Variants in ATG5 observed in about 807,000 individuals in gnomAD.
ATG5 encodes autophagy protein 5.
ATG5 carries 14 observed loss-of-function variants against 36.5 expected under a neutral mutation model. The observed-to-expected ratio is 0.38, with a 90% CI of 0.25 to 0.60. ATG5 has a LOEUF of 0.60. ATG5 is among the 20% of genes least tolerant of loss of function. The pLI is 0.60. For synonymous variants in ATG5, 95 were observed against 101.5 expected (o/e 0.94, Z 0.38); for missense variants, 195 against 326.7 (o/e 0.60, Z 3.11).
rs199502012 is a variant in ATG5, at chr6:106,243,258, TG to T, written c.573+4891del. On this transcript the variant is annotated intron_variant, in intron 6 of 7. Coordinates refer to ENST00000369076, the MANE Select transcript of ATG5 (RefSeq NM_004849.4). ...GAACAACTTTACATTCAATCGTCAA[TG>T]GGAAAGGAAGCAGAATTCTGAGGAT... 4.4e-3 allele frequency among the ~76,000 whole-genome samples: 677 copies of T among 152,286 alleles called. 4 individuals are homozygous for T. Among genetic ancestry groups the T allele is most frequent in the African/African-American group, 0.015 (639 of 41,554 alleles).
At chr6:106,296,096 T>C (rs1032971998) in intron 3 of ATG5, among the ~76,000 whole-genome samples, 2 of 152,174 alleles carry the variant, frequency 1.3e-5, no homozygotes, top group Non-Finnish European at 2.9e-5. Context: ...AAAGATCTAA[T>C]GGAGCCAATT....
chr6:106,206,916 G>A (rs568931543), intron 6 of ATG5, among the ~76,000 whole-genome samples: 39 of 152,180 alleles, frequency 2.6e-4, no homozygotes, highest in African/African-American at 8.4e-4. Context: ...TGCTGTAAAC[G>A]TTGATTTAGT....
At chr6:106,248,019 G>C (rs1219883828) in intron 6 of ATG5, 131 bp downstream of exon 6, 5 of 620,540 alleles carry the variant, frequency 8.1e-6, no homozygotes, top group Non-Finnish European at 1.4e-5. Flanking sequence ...GCCACTGAAA[G>C]ACACAGTTTG....
chr6:106,308,688 A>G (rs1220428952), intron 2 of ATG5, among the ~76,000 whole-genome samples, 197 bp from the exon 3 acceptor site: 1 of 152,208 alleles, frequency 6.6e-6, no homozygotes, highest in Non-Finnish European at 1.5e-5. Context: ...TGGGGCCATT[A>G]CTTTAAGCAC....
chr6:106,323,524 C>A (rs943229760), intron 1 of ATG5, among the ~76,000 whole-genome samples: 1 of 151,964 alleles, frequency 6.6e-6, no homozygotes, highest in African/African-American at 2.4e-5. Flanking sequence ...CAAGCATGAG[C>A]CATCACGCCC....
At chr6:106,270,707 A>T (rs867816385) in intron 5 of ATG5, among the ~76,000 whole-genome samples, 1 of 152,224 alleles carries the variant, frequency 6.6e-6, no homozygotes, top group Non-Finnish European at 1.5e-5. Flanking sequence ...CTCTACATGA[A>T]TGCCTCATTA....
intron 6 of ATG5, among the ~76,000 whole-genome samples, chr6:106,239,379 CT>C (rs1778021491): frequency 6.6e-6 from 1 of 152,046 alleles, no homozygotes; most frequent in Non-Finnish European, 1.5e-5. Flanking sequence ...TCTGGGAAGA[CT>C]TAATATCATA....
intron 4 of ATG5, among the ~76,000 whole-genome samples, chr6:106,291,464 T>C (rs948884195): frequency 6.6e-6 from 1 of 152,156 alleles, no homozygotes; most frequent in Non-Finnish European, 1.5e-5. Context: ...CATCCTGATA[T>C]TATTATATCA....
chr6:106,317,184 C>T (rs1770884196), intron 1 of ATG5, among the ~76,000 whole-genome samples: 2 of 152,124 alleles, frequency 1.3e-5, no homozygotes, highest in South Asian at 4.1e-4. Flanking sequence ...TGAGTAAATG[C>T]TGAAATAAAT....
chr6:106,257,035 T>C (rs541274329), intron 5 of ATG5, among the ~76,000 whole-genome samples: 2 of 152,308 alleles, frequency 1.3e-5, no homozygotes, highest in African/African-American at 2.4e-5. Context: ...TATTTAAAAA[T>C]TTATTTTTTT....
At chr6:106,311,618 T>C (rs990184884) in intron 2 of ATG5, among the ~76,000 whole-genome samples, 4 of 152,114 alleles carry the variant, frequency 2.6e-5, no homozygotes, top group East Asian at 1.9e-4. Flanking sequence ...TAAGACAGAA[T>C]AGTGCTGAGG....
At chr6:106,277,101 A>G (rs1779687713) in intron 5 of ATG5, among the ~76,000 whole-genome samples, 1 of 152,248 alleles carries the variant, frequency 6.6e-6, no homozygotes, top group African/African-American at 2.4e-5. Flanking sequence ...ACACTGTCAT[A>G]AAATGCATGC....
intron 6 of ATG5, among the ~76,000 whole-genome samples, chr6:106,220,019 T>C (rs896914192): frequency 1.3e-5 from 2 of 152,174 alleles, no homozygotes; most frequent in South Asian, 2.1e-4. Flanking sequence ...TTTAAATTGA[T>C]AGCCTTTTTT....
intron 2 of ATG5, among the ~76,000 whole-genome samples, chr6:106,312,623 T>TACACACACACACAC (rs144983689): frequency 5.7e-4 from 82 of 144,514 alleles, no homozygotes; most frequent in South Asian, 4.5e-3. Context: ...CAAAAAAGAC[T>TACACACACACACAC]ACACACACAC....
chr6:106,285,604 T>C (rs1780045997), intron 4 of ATG5, among the ~76,000 whole-genome samples: 1 of 152,206 alleles, frequency 6.6e-6, no homozygotes, highest in Non-Finnish European at 1.5e-5. Context: ...GCAAACTTTC[T>C]GTAAAGGATT....
At chr6:106,291,958 C>T (rs1160931961) in intron 4 of ATG5, among the ~76,000 whole-genome samples, 1 of 152,184 alleles carries the variant, frequency 6.6e-6, no homozygotes, top group Admixed American at 6.5e-5. Flanking sequence ...TTCAGTAAAA[C>T]AGGAAGGAAA....
chr6:106,260,106 G>A (rs147782181), intron 5 of ATG5, among the ~76,000 whole-genome samples: 17 of 152,286 alleles, frequency 1.1e-4, no homozygotes, highest in African/African-American at 2.2e-4. Flanking sequence ...GAGGCCTGTC[G>A]GTGGGTGGGG....
At chr6:106,295,629 TCAGAG>T (rs1318362446) in intron 3 of ATG5, among the ~76,000 whole-genome samples, 1 of 151,716 alleles carries the variant, frequency 6.6e-6, no homozygotes. Context: ...AGTGGTGCAG[TCAGAG>T]CTCACTACAA....
At chr6:106,269,638 G>A (rs1241822922) in intron 5 of ATG5, among the ~76,000 whole-genome samples, 1 of 152,244 alleles carries the variant, frequency 6.6e-6, no homozygotes, top group Non-Finnish European at 1.5e-5. Flanking sequence ...CTCCGCAGCC[G>A]CTGGCCCGGG....
Sources: allele counts gnomAD v4.1 joint callset (sites outside exome capture counted in the v4.1 genomes callset), GRCh38; gene constraint gnomAD v4.1.1; transcripts MANE v1.5; gene names NCBI Gene and HGNC (gene_info 2026-07-23, HGNC 2026-07-21).